Variants in BBOX1 observed in about 807,000 individuals in gnomAD.
The protein encoded by BBOX1 is gamma-butyrobetaine hydroxylase 1, also known as gamma-butyrobetaine dioxygenase.
In BBOX1, 35 loss-of-function variants were observed where a neutral mutation model predicts 41.6. That is an observed-to-expected ratio of 0.84 (90% CI 0.64 to 1.11). BBOX1 has a LOEUF of 1.11. Ranked by LOEUF, BBOX1 falls within the 50% of genes most tolerant of loss-of-function variation. BBOX1 has a pLI of 0.00. For missense variants in BBOX1, 458 were observed against 460.6 expected (o/e 0.99, Z 0.05); for synonymous variants, 163 against 154.7 (o/e 1.05, Z -0.40).
chr11:27,115,589 C>T, intron 6 of BBOX1, 32 bp downstream of exon 6: 1 of 1,539,292 alleles, frequency 6.5e-7, no homozygotes, highest in Non-Finnish European at 8.9e-7. Context: ...TTCCACAAAG[C>T]ATGATGATGA....
intron 5 of BBOX1, among the ~76,000 whole-genome samples, chr11:27,098,444 A>G (rs1409730980): frequency 6.6e-6 from 1 of 152,124 alleles, no homozygotes; most frequent in Non-Finnish European, 1.5e-5. Context: ...AACTCTTAAC[A>G]TAAAGTAAGG....
Position 27,093,343 on chromosome 11 carries a change from T to A in BBOX1, c.510T>A (p.Gly170=). ...GEVSKLGKRM[G]FLYLTFYGHT... is the part of the protein sequence containing the mutation. ...TTTCAAAACTTGGGAAAAGGATGGG[T>A]TTCCTCTATCTCACATTTTATGGGT... The change falls in exon 5 of 9, where the codon GGT becomes GGA. Residue 170 remains glycine, a synonymous_variant. Coordinates refer to ENST00000263182, the MANE Select transcript of BBOX1 (RefSeq NM_003986.3). The A allele has an allele frequency of 6.2e-7, 1 of 1,612,276 alleles. No homozygotes were observed. The highest frequency in any genetic ancestry group is 8.5e-7 in the Non-Finnish European group (1 of 1,178,896).
At chr11:27,042,934 T>A (rs1471139712) in intron 2 of BBOX1, among the ~76,000 whole-genome samples, 1 of 152,176 alleles carries the variant, frequency 6.6e-6, no homozygotes, top group African/African-American at 2.4e-5. Context: ...ATAATAACAA[T>A]GTAGTTAAGC....
intron 4 of BBOX1, among the ~76,000 whole-genome samples, chr11:27,065,873 C>T (rs1217983807): frequency 6.6e-6 from 1 of 151,986 alleles, no homozygotes; most frequent in Non-Finnish European, 1.5e-5. Context: ...CTTCATAAGA[C>T]AATGTTAGTG....
At chr11:27,042,245 G>A (rs1851365178) in intron 2 of BBOX1, among the ~76,000 whole-genome samples, 1 of 152,140 alleles carries the variant, frequency 6.6e-6, no homozygotes. Flanking sequence ...GTTTTCCTTT[G>A]TATAATTTAC....
intron 6 of BBOX1, among the ~76,000 whole-genome samples, chr11:27,116,745 C>T (rs964656461): frequency 8.6e-5 from 13 of 152,006 alleles, no homozygotes; most frequent in African/African-American, 2.9e-4. Context: ...TACACAACTT[C>T]TCAAGGCCTG....
Position 27,127,374 on chromosome 11 carries a change from TAGA to T in BBOX1, c.1088_1090del (p.Glu363del). 6.2e-7 allele frequency: 1 copy of T among 1,614,172 alleles called. No homozygotes were observed. Among genetic ancestry groups the T allele is most frequent in the Non-Finnish European group, 8.5e-7 (1 of 1,180,010 alleles). On this transcript the variant is annotated inframe_deletion, in exon 9 of 9. Transcript: ENST00000263182. Reference sequence around the variant, plus strand: ...GCAGGAACTGAGATATCCCGCCATCTAGAAGGAGCTTATGCTGACTGGGATGTG... The same window carrying T: ...GCAGGAACTGAGATATCCCGCCATCTAGGAGCTTATGCTGACTGGGATGTG...
chr11:27,061,054 C>CT (rs945809005), intron 4 of BBOX1, among the ~76,000 whole-genome samples: 1 of 152,002 alleles, frequency 6.6e-6, no homozygotes, highest in African/African-American at 2.4e-5. Context: ...AATATTTTTC[C>CT]TTAACTCTGC....
At position 27,073,675 on chromosome 11, in the gene BBOX1, A is replaced by G. The variant is rs574369705; in HGVS notation, c.334+16360A>G. On this transcript the variant is annotated intron_variant, in intron 4 of 8. Coordinates refer to ENST00000263182, the MANE Select transcript of BBOX1 (RefSeq NM_003986.3). ...TTGGAACCAACCCAAATGTCCATCA[A>G]TGATAGACTGGATTAAGAAAATGTG... 9.5e-4 allele frequency among the ~76,000 whole-genome samples: 145 copies of G among 152,294 alleles called. 3 individuals are homozygous for G. In the South Asian group the frequency reaches 0.027, roughly 28 times the overall value.
At chr11:27,052,560 C>T (rs1856847793) in intron 2 of BBOX1, among the ~76,000 whole-genome samples, 1 of 152,056 alleles carries the variant, frequency 6.6e-6, no homozygotes, top group African/African-American at 2.4e-5. Context: ...CCTTTTGTTC[C>T]AGCCAAACAA....
At chr11:27,114,960 G>T (rs11029840) in intron 5 of BBOX1, among the ~76,000 whole-genome samples, 12 of 151,610 alleles carry the variant, frequency 7.9e-5, no homozygotes, top group Non-Finnish European at 1.8e-4. Flanking sequence ...CCAAGGTCTT[G>T]GAGAAGGGTA....
chr11:27,044,205 C>T (rs1420590914), intron 2 of BBOX1, among the ~76,000 whole-genome samples: 3 of 152,162 alleles, frequency 2.0e-5, no homozygotes, highest in Non-Finnish European at 4.4e-5. Context: ...TGACGATGAG[C>T]TTTTCTTCAT....
intron 4 of BBOX1, among the ~76,000 whole-genome samples, chr11:27,076,728 C>G (rs1857644048): frequency 6.6e-6 from 1 of 152,134 alleles, no homozygotes; most frequent in Non-Finnish European, 1.5e-5. Context: ...TCTGGCTCTC[C>G]ACATGCAGGG....
At chr11:27,109,763 C>T (rs1309724967) in intron 5 of BBOX1, among the ~76,000 whole-genome samples, 1 of 151,900 alleles carries the variant, frequency 6.6e-6, no homozygotes, top group Non-Finnish European at 1.5e-5. Context: ...GCAAAATGAA[C>T]ATGAAACACT....
rs1003913650 is a variant in BBOX1, at chr11:27,093,325, A to T, written c.492A>T (p.Lys164Asn). Residue 164 changes from lysine to asparagine, a missense_variant, in exon 5 of 9, where the codon AAA (lysine) becomes AAT (asparagine). By Grantham distance (94) the Lys-to-Asn change is moderately conservative. Transcript: ENST00000263182. The part of the protein sequence containing the change: ...GASDKPGEVS[K>N]LGKRMGFLYL... ...CTGACAAACCAGGAGAAGTTTCAAA[A>T]CTTGGGAAAAGGATGGGTTTCCTCT... The T allele has an allele frequency of 3.7e-6, 6 of 1,612,398 alleles. No individual in the cohort carries two copies. The Admixed American group carries it at 6.7e-5, about 18-fold the overall frequency.
intron 4 of BBOX1, among the ~76,000 whole-genome samples, chr11:27,091,211 AG>A (rs1858231668): frequency 6.6e-6 from 1 of 151,952 alleles, no homozygotes; most frequent in African/African-American, 2.4e-5. Flanking sequence ...TTCCTGCAAC[AG>A]ACAACTTCTT....
At chr11:27,073,165 T>C (rs893798052) in intron 4 of BBOX1, among the ~76,000 whole-genome samples, 3 of 152,140 alleles carry the variant, frequency 2.0e-5, no homozygotes, top group Non-Finnish European at 4.4e-5. Flanking sequence ...AATCTACTCA[T>C]CTGACAAAGG....
At chr11:27,081,071 T>C (rs968807117) in intron 4 of BBOX1, among the ~76,000 whole-genome samples, 2 of 152,180 alleles carry the variant, frequency 1.3e-5, no homozygotes, top group African/African-American at 4.8e-5. Context: ...GAACTAGGAT[T>C]TGAATCCAGA....
At chr11:27,062,012 C>T (rs1420148107) in intron 4 of BBOX1, among the ~76,000 whole-genome samples, 4 of 152,102 alleles carry the variant, frequency 2.6e-5, no homozygotes, top group Non-Finnish European at 1.5e-5. Context: ...TAAAACCACA[C>T]ATAGAAAGTT....
Sources: allele counts gnomAD v4.1 joint callset (sites outside exome capture counted in the v4.1 genomes callset), GRCh38; gene constraint gnomAD v4.1.1; transcripts MANE v1.5; gene names NCBI Gene and HGNC (gene_info 2026-07-23, HGNC 2026-07-21).